Variants in BCL7B observed in about 807,000 individuals in gnomAD.
The protein encoded by BCL7B is BAF chromatin remodeling complex subunit BCL7B.
Under a neutral mutation model 26.5 loss-of-function variants are expected in BCL7B, and 11 were observed. The observed-to-expected ratio is 0.42, with a 90% confidence interval of 0.26 to 0.69. BCL7B has a LOEUF of 0.69. Among genes scored for constraint, BCL7B ranks in the 30% least tolerant of loss-of-function variants. The pLI, the probability that BCL7B is intolerant of heterozygous loss-of-function variation, is 0.28. For synonymous variants in BCL7B, 111 were observed against 107.9 expected (o/e 1.03, Z -0.18); for missense variants, 215 against 264.4 (o/e 0.81, Z 1.30).
chr7:73,550,371 C>G (rs1224012945), intron 2 of BCL7B, among the ~76,000 whole-genome samples: 1 of 151,878 alleles, frequency 6.6e-6, no homozygotes, highest in African/African-American at 2.4e-5. Flanking sequence ...CATGGTGAAA[C>G]CCGTCTCTAC....
At chr7:73,557,263 G>T in intron 1 of BCL7B, 1 of 1,123,126 alleles carries the variant, frequency 8.9e-7, no homozygotes. Flanking sequence ...CGCGGCAGCA[G>T]CCGCAGCAGG....
intron 1 of BCL7B, 36 bp downstream of exon 1, chr7:73,557,451 C>G: frequency 7.6e-7 from 1 of 1,307,878 alleles, no homozygotes; most frequent in East Asian, 3.2e-5. Flanking sequence ...CCTGGATCCG[C>G]GACCCCCGCC....
intron 3 of BCL7B, chr7:73,540,284 C>T (rs1791707476): frequency 2.1e-6 from 1 of 484,916 alleles, no homozygotes; most frequent in African/African-American, 1.9e-5. Flanking sequence ...TTATTAAACT[C>T]TTCTTTATTA....
At chr7:73,540,829 C>A (rs1415061517) in intron 3 of BCL7B, among the ~76,000 whole-genome samples, 14 of 50,940 alleles carry the variant, frequency 2.7e-4, no homozygotes, top group Admixed American at 7.0e-4. Flanking sequence ...GACTCTGTCT[C>A]AAAAAAAAAA....
At chr7:73,538,066 C>G in intron 4 of BCL7B, 53 bp from the exon 5 acceptor site, 1 of 1,229,232 alleles carries the variant, frequency 8.1e-7, no homozygotes, top group Non-Finnish European at 1.1e-6. Context: ...AGGCCTGGAC[C>G]TGGGGGAGCT....
intron 1 of BCL7B, among the ~76,000 whole-genome samples, chr7:73,552,790 A>G (rs983651675): frequency 2.0e-5 from 3 of 149,398 alleles, no homozygotes; most frequent in East Asian, 2.0e-4. Context: ...AGAAAGAAAG[A>G]AAAAAAAAAG....
At chr7:73,546,208 T>C (rs1554583475) in intron 2 of BCL7B, among the ~76,000 whole-genome samples, 1 of 149,556 alleles carries the variant, frequency 6.7e-6, no homozygotes, top group African/African-American at 2.5e-5. Context: ...TACCAGCCAA[T>C]GCAATTGAGA....
intron 5 of BCL7B, among the ~76,000 whole-genome samples, chr7:73,537,729 A>G (rs1791594604): frequency 6.6e-6 from 1 of 152,058 alleles, no homozygotes; most frequent in South Asian, 2.1e-4. Flanking sequence ...CTCTACTAAA[A>G]ATACAAAAAT....
chr7:73,540,941 G>T (rs1554582803), intron 3 of BCL7B, among the ~76,000 whole-genome samples: 2 of 148,178 alleles, frequency 1.3e-5, no homozygotes, highest in Admixed American at 6.8e-5. Context: ...GAGGTCAGAA[G>T]TTTGAGACCA....
Position 73,543,613 on chromosome 7 carries a change from G to A in BCL7B, c.200C>T (p.Ala67Val). ...AGAAGGAAAGCCATTAGGTTCTCGG[G>A]CTGCTGAACTGTTCGATTTTGACTT... Reference protein sequence around the residue: ...KEKSKSNSSAAREPNGFPSDA... With the variant: ...KEKSKSNSSAVREPNGFPSDA... Residue 67 changes from alanine (A) to valine (V), a missense_variant, in exon 3 of 6, where the codon GCC becomes GTC. Coordinates refer to ENST00000223368, the MANE Select transcript of BCL7B (RefSeq NM_001707.4). The A allele has an allele frequency of 6.2e-7, 1 of 1,613,778 alleles. No individual in the cohort carries two copies. Among genetic ancestry groups the A allele is most frequent in the Non-Finnish European group, 8.5e-7 (1 of 1,179,888 alleles).
chr7:73,537,008 A>C lies in BCL7B; in HGVS notation c.*290T>G. ...GCTCCGTCCAGAGATTCTGGAGCAG[A>C]GACTGCTGCCTGGAGGTCACAGATG... On this transcript the variant is annotated 3_prime_UTR_variant, in exon 6 of 6. Transcript: ENST00000223368. 3.1e-6 allele frequency: 1 copy of C among 325,958 alleles called. No individual in the cohort carries two copies. Among genetic ancestry groups the C allele is most frequent in the East Asian group, 5.3e-5 (1 of 18,870 alleles). The allele number at this position is 325,958 out of a possible 1,614,324, so 20.2% of individuals were successfully genotyped here. A position where few individuals can be genotyped will look rare whatever the true frequency, so the allele number is the denominator to read the frequency against.
At chr7:73,556,328 G>A (rs1554584721) in intron 1 of BCL7B, among the ~76,000 whole-genome samples, 1 of 152,008 alleles carries the variant, frequency 6.6e-6, no homozygotes, top group African/African-American at 2.4e-5. Context: ...CCTGGCGGGA[G>A]GTAACATCTA....
chr7:73,537,995 G>C lies in BCL7B; in HGVS notation c.455C>G (p.Ser152Trp). ...GGTAGGAGGTTCATCAGCAACTTCC[G>C]AGGAGGGCAGGGAGGGCTCTGAAAA... ...EILEEPSLPS[S>W]EVADEPPTLT... Residue 152 changes from serine (S) to tryptophan (W), a missense_variant, in exon 5 of 6, where the codon TCG becomes TGG. By Grantham distance (177) the Ser-to-Trp change is radical (BLOSUM62 -3). Coordinates refer to ENST00000223368, the MANE Select transcript of BCL7B (RefSeq NM_001707.4). The C allele has an allele frequency of 6.2e-7, 1 of 1,604,930 alleles. No individual in the cohort carries two copies. Among genetic ancestry groups the C allele is most frequent in the African/African-American group, 1.3e-5 (1 of 74,516 alleles).
intron 2 of BCL7B, among the ~76,000 whole-genome samples, chr7:73,549,520 G>A (rs1792076939): frequency 6.6e-6 from 1 of 152,060 alleles, no homozygotes; most frequent in Non-Finnish European, 1.5e-5. Flanking sequence ...CTCTAAAAAA[G>A]GAAAAAGCGT....
intron 1 of BCL7B, among the ~76,000 whole-genome samples, chr7:73,554,756 C>T (rs1554584537): frequency 6.6e-6 from 1 of 150,572 alleles, no homozygotes; most frequent in African/African-American, 2.5e-5. Context: ...CAAGACCACG[C>T]CACTGCACTC....
chr7:73,544,439 A>T (rs782606654), intron 2 of BCL7B, among the ~76,000 whole-genome samples: 213 of 151,468 alleles, frequency 1.4e-3, no homozygotes, highest in Admixed American at 3.8e-3. Flanking sequence ...AACAAAAAAT[A>T]AAATAAATAA....
intron 3 of BCL7B, chr7:73,540,277 T>C (rs1791707151): frequency 3.9e-6 from 2 of 515,472 alleles, no homozygotes; most frequent in Admixed American, 6.2e-5. Context: ...GATATGCTTA[T>C]TAAACTCTTC....
chr7:73,553,793 T>G (rs1488768347), intron 1 of BCL7B: 2 of 154,460 alleles, frequency 1.3e-5, no homozygotes, highest in Non-Finnish European at 2.9e-5. Flanking sequence ...GCAGAGTTTA[T>G]CAGTCCACTA....
rs961976051 is a variant in BCL7B, at chr7:73,543,181, T to C, written c.265+367A>G. On this transcript the variant is annotated intron_variant, in intron 3 of 5. Transcript: ENST00000223368. ...GCACTGAATTGATACACAGAATTCT[T>C]TTTTTTTTTTTTTGAGACGGAGTCT... 4.7e-5 allele frequency among the ~76,000 whole-genome samples: 7 copies of C among 147,620 alleles called. No homozygotes were observed. In the East Asian group the frequency reaches 1.4e-3, roughly 29 times the overall value.
Sources: allele counts gnomAD v4.1 joint callset (sites outside exome capture counted in the v4.1 genomes callset), GRCh38; gene constraint gnomAD v4.1.1; transcripts MANE v1.5; gene names NCBI Gene and HGNC (gene_info 2026-07-23, HGNC 2026-07-21).